The following MID1 variants were observed in gnomAD, a reference collection of about 807,000 sequenced individuals.
MID1 encodes the protein midline 1, also known as E3 ubiquitin-protein ligase Midline-1.
A neutral mutation model predicts 40.4 loss-of-function variants in MID1; 7 were observed. The observed-to-expected ratio is 0.17, with a 90% CI of 0.10 to 0.33. The LOEUF (loss-of-function observed/expected upper bound fraction) is 0.33, where lower values mean the gene tolerates loss of function less well. Among genes scored for constraint, MID1 ranks in the 10% least tolerant of loss-of-function variants. The probability of loss-of-function intolerance (pLI) is 1.00; values close to 1 mark genes in which losing one functional copy is unlikely to be tolerated. For synonymous variants in MID1, 229 were observed against 221.2 expected (o/e 1.04, Z -0.31); for missense variants, 367 against 558.5 (o/e 0.66, Z 3.46).
chrX:10,558,073 A>AAAC (rs1934192011), intron 2 of MID1, among the ~76,000 whole-genome samples: 2 of 110,242 alleles, frequency 1.8e-5, no homozygotes, highest in African/African-American at 6.6e-5. Context: ...CTTAAAAAAA[A>AAAC]AAAAAAAACA....
chrX:10,761,242 TAC>T (rs61485561), intron 1 of MID1, among the ~76,000 whole-genome samples: 1,294 of 108,435 alleles, frequency 0.012, 6 homozygotes, highest in Middle Eastern at 0.028. Context: ...TCCTTCATTT[TAC>T]ACACACACAC....
chrX:10,794,642 A>G (rs2043956243), intron 1 of MID1, among the ~76,000 whole-genome samples: 1 of 112,256 alleles, frequency 8.9e-6, no homozygotes, highest in Non-Finnish European at 1.9e-5. Context: ...TCTATAATTA[A>G]GACATGGATA....
intron 1 of MID1, among the ~76,000 whole-genome samples, chrX:10,778,112 CAT>C (rs1329367537): frequency 1.8e-5 from 2 of 111,507 alleles, no homozygotes; most frequent in African/African-American, 6.5e-5. Flanking sequence ...AAACTGGTAA[CAT>C]AATTTCTTAT....
At chrX:10,560,045 T>C (rs1453288148) in intron 2 of MID1, among the ~76,000 whole-genome samples, 1 of 109,107 alleles carries the variant, frequency 9.2e-6, no homozygotes, top group East Asian at 2.9e-4. Context: ...CCATACCCAG[T>C]TGAATTTTTA....
chrX:10,761,660 A>G (rs1439696829), intron 1 of MID1, among the ~76,000 whole-genome samples: 2 of 112,473 alleles, frequency 1.8e-5, no homozygotes, highest in African/African-American at 3.2e-5. Context: ...TAGCCTGTCC[A>G]TACAAAGAGG....
intron 1 of MID1, among the ~76,000 whole-genome samples, chrX:10,577,352 C>T (rs778684482): frequency 6.3e-5 from 7 of 111,793 alleles, no homozygotes; most frequent in Non-Finnish European, 1.1e-4. Context: ...CACATGATCA[C>T]ATTATGCTCT....
chrX:10,635,845 T>C (rs747143080), intron 1 of MID1, among the ~76,000 whole-genome samples: 1 of 112,137 alleles, frequency 8.9e-6, no homozygotes, highest in African/African-American at 3.2e-5. Context: ...GACAGGCTGG[T>C]CATTGTCTGT....
At chrX:10,732,061 A>G (rs1040968067) in intron 1 of MID1, among the ~76,000 whole-genome samples, 2 of 110,123 alleles carry the variant, frequency 1.8e-5, no homozygotes, top group African/African-American at 6.6e-5. Context: ...TTAACAACCT[A>G]GTAAAGGACA....
chrX:10,713,012 T>A (rs1215806771), intron 1 of MID1, among the ~76,000 whole-genome samples: 1 of 110,216 alleles, frequency 9.1e-6, no homozygotes, highest in Non-Finnish European at 1.9e-5. Context: ...AATTTTTGTA[T>A]TTTTAGTAGA....
rs59247917 is a variant in MID1 at position 10,558,360 on chromosome X, C to A, written c.660+8528G>T. Among the ~76,000 whole-genome samples the A allele has an allele frequency of 6.6e-3, 741 of 112,024 alleles. 8 individuals are homozygous for A. Among genetic ancestry groups the A allele is most frequent in the African/African-American group, 0.023 (699 of 30,889 alleles). On this transcript the variant is annotated intron_variant, in intron 2 of 9. Transcript: ENST00000317552. ...GTCAAAGCAGCTTAAATCCCACCAC[C>A]CTGAAGCAAGGTTTATTGTCTACTC...
In MID1 at chrX:10,473,188, G is replaced by T. The variant is rs372091573; in HGVS notation, c.1141+1435C>A. Among the ~76,000 whole-genome samples, 101 of 111,257 alleles carry T rather than the reference G, an allele frequency of 9.1e-4. No homozygotes were observed. In the South Asian group the frequency reaches 0.025, roughly 28 times the overall value. The stretch of plus-strand genomic sequence containing the variant: ...TAGCCCCATGTGGGAGGCAGCTAAC[G>T]CTGGATAGTACAGATATAGAACATA... On this transcript the variant is annotated intron_variant, in intron 6 of 9. Transcript: ENST00000317552.
intron 1 of MID1, among the ~76,000 whole-genome samples, chrX:10,594,804 A>G (rs771544879): frequency 3.6e-5 from 4 of 112,067 alleles, no homozygotes; most frequent in Non-Finnish European, 7.5e-5. Flanking sequence ...ATTCTTCACC[A>G]TACAAGACAA....
intron 1 of MID1, among the ~76,000 whole-genome samples, chrX:10,762,884 G>C (rs749599109): frequency 8.9e-6 from 1 of 111,993 alleles, no homozygotes; most frequent in Non-Finnish European, 1.9e-5. Context: ...TTAAACCCAT[G>C]ATCCACTGTG....
chrX:10,522,939 T>G (rs1049126598), intron 3 of MID1, among the ~76,000 whole-genome samples, 153 bp downstream of exon 3: 4 of 112,427 alleles, frequency 3.6e-5, no homozygotes, highest in African/African-American at 1.3e-4. Flanking sequence ...TTCTAATTCC[T>G]TTTAATTTCC....
chrX:10,727,090 T>G (rs1166926240), intron 1 of MID1, among the ~76,000 whole-genome samples: 1 of 108,157 alleles, frequency 9.2e-6, no homozygotes, highest in Non-Finnish European at 1.9e-5. Context: ...CCATGCTGTT[T>G]CTATCTCATC....
intron 1 of MID1, among the ~76,000 whole-genome samples, chrX:10,785,257 A>C: frequency 9.1e-6 from 1 of 110,307 alleles, no homozygotes; most frequent in African/African-American, 3.3e-5. Flanking sequence ...TCCAACTTAC[A>C]AGGGATGTGA....
intron 4 of MID1, among the ~76,000 whole-genome samples, chrX:10,489,115 T>G (rs766827696): frequency 2.7e-5 from 3 of 112,063 alleles, no homozygotes; most frequent in Non-Finnish European, 5.6e-5. Context: ...TTTTGAGAAT[T>G]TGTTATATAT....
intron 1 of MID1, among the ~76,000 whole-genome samples, chrX:10,762,565 T>G (rs1161419808): frequency 9.1e-6 from 1 of 109,936 alleles, no homozygotes; most frequent in African/African-American, 3.3e-5. Context: ...CCCCAAGTAG[T>G]TGGGACCACA....
At position 10,740,976 on chromosome X, in the gene MID1, G is replaced by A. The variant is rs151260661; in HGVS notation, c.-187+92578C>T. Among the ~76,000 whole-genome samples, 193 of 111,305 alleles carry A rather than the reference G, an allele frequency of 1.7e-3. 1 individual carries two copies. In the Middle Eastern group the frequency reaches 0.032, roughly 19 times the overall value. On this transcript the variant is annotated intron_variant, in intron 1 of 10. Transcript: ENST00000380785. ...ACCATTTTTGAGAAGTGGGTAAAAG[G>A]ATCAGAAATCAAGTGTGACATGTGG...
Sources: allele counts gnomAD v4.1 joint callset (sites outside exome capture counted in the v4.1 genomes callset), GRCh38; gene constraint gnomAD v4.1.1; transcripts MANE v1.5; gene names NCBI Gene and HGNC (gene_info 2026-07-23, HGNC 2026-07-21).